Variants in ROBO2 observed in about 807,000 individuals in gnomAD.
ROBO2 encodes the protein roundabout homolog 2.
A neutral mutation model predicts 160.8 loss-of-function variants in ROBO2; 53 were observed. The observed-to-expected ratio is 0.33, with a 90% confidence interval of 0.26 to 0.41. The LOEUF (loss-of-function observed/expected upper bound fraction) is 0.41. Ranked by LOEUF, ROBO2 falls within the 10% of genes least tolerant of loss-of-function variation. The probability of loss-of-function intolerance (pLI) is 1.00; values close to 1 mark genes in which losing one functional copy is unlikely to be tolerated. For synonymous variants in ROBO2, 664 were observed against 611.7 expected (o/e 1.09, Z -1.26); for missense variants, 1,577 against 1,722.4 (o/e 0.92, Z 1.49).
chr3:77,602,613 G>T, intron 20 of ROBO2, 122 bp downstream of exon 21: 1 of 1,183,702 alleles, frequency 8.4e-7, no homozygotes, highest in Non-Finnish European at 1.2e-6. Context: ...ACTAAAAAAA[G>T]ATACCAGCAT....
intron 2 of ROBO2, among the ~76,000 whole-genome samples, chr3:77,101,675 C>G (rs1023502881): frequency 6.6e-6 from 1 of 152,074 alleles, no homozygotes; most frequent in African/African-American, 2.4e-5. Flanking sequence ...GGATCAGTCT[C>G]AGGAGAGGTA....
intron 2 of ROBO2, among the ~76,000 whole-genome samples, chr3:77,325,883 G>A (rs2065329325): frequency 6.6e-6 from 1 of 152,148 alleles, no homozygotes; most frequent in South Asian, 2.1e-4. Context: ...GAAAAGCTGG[G>A]ACGCAAATGC....
At chr3:75,923,917 A>C (rs1006162765) in intron 1 of ROBO2, among the ~76,000 whole-genome samples, 6 of 152,190 alleles carry the variant, frequency 3.9e-5, no homozygotes, top group Admixed American at 2.6e-4. Flanking sequence ...ATATCCCTTT[A>C]TAAAGTAATA....
chr3:77,057,350 T>C (rs932457736), intron 1 of ROBO2, among the ~76,000 whole-genome samples: 2 of 151,992 alleles, frequency 1.3e-5, no homozygotes, highest in Admixed American at 6.6e-5. Flanking sequence ...TTAGGAGATA[T>C]ACCTAATGTA....
At chr3:76,170,938 T>G (rs2073017626) in intron 2 of ROBO2, among the ~76,000 whole-genome samples, 1 of 152,188 alleles carries the variant, frequency 6.6e-6, no homozygotes, top group Non-Finnish European at 1.5e-5. Flanking sequence ...AAGCACCTTC[T>G]GTATGCCAGG....
chr3:76,116,308 C>T (rs1303195514), intron 2 of ROBO2, among the ~76,000 whole-genome samples: 1 of 152,152 alleles, frequency 6.6e-6, no homozygotes, highest in Admixed American at 6.6e-5. Flanking sequence ...TTTCGAGCTT[C>T]AATTAAGTAT....
In ROBO2 at chr3:76,794,645, T is replaced by C. The variant is rs141502081; in HGVS notation, c.110-303369T>C. On this transcript the variant is annotated intron_variant, in intron 2 of 26. Coordinates refer to the ROBO2 transcript ENST00000487694. ...CTTACAGCAATCGGATTCATTAAAA[T>C]TTATTACAGCTTTATTAAATACAGG... Among the ~76,000 whole-genome samples, 217 of 152,158 alleles carry C rather than the reference T, an allele frequency of 1.4e-3. 1 individual carries two copies. Among genetic ancestry groups the C allele is most frequent in the African/African-American group, 5.1e-3 (212 of 41,560 alleles).
chr3:77,037,769 AAT>A (rs2063725879), upstream of ROBO2, among the ~76,000 whole-genome samples: 1 of 152,192 alleles, frequency 6.6e-6, no homozygotes, highest in South Asian at 2.1e-4. Context: ...CTGATAAATA[AAT>A]AGTCATGAGA....
intron 2 of ROBO2, among the ~76,000 whole-genome samples, chr3:76,948,900 ATATATATATTT>A (rs1191456373): frequency 0.024 from 992 of 41,542 alleles, 4 homozygotes; most frequent in Non-Finnish European, 0.034. Flanking sequence ...ATATATATAT[ATATATATATTT>A]TTTTTTTTTT....
At chr3:76,251,817 G>C (rs1393644189) in intron 2 of ROBO2, among the ~76,000 whole-genome samples, 1 of 152,082 alleles carries the variant, frequency 6.6e-6, no homozygotes, top group East Asian at 1.9e-4. Flanking sequence ...ACTCCTTAAA[G>C]ATGCTGTCAG....
At chr3:75,953,224 T>C (rs1948613211) in intron 2 of ROBO2, among the ~76,000 whole-genome samples, 2 of 152,080 alleles carry the variant, frequency 1.3e-5, no homozygotes, top group Non-Finnish European at 2.9e-5. Flanking sequence ...CTATTCTGCA[T>C]TCTCAATAAA....
At position 76,874,046 on chromosome 3, in the gene ROBO2, C is replaced by T. The variant is rs545769168; in HGVS notation, c.110-223968C>T. On this transcript the variant is annotated intron_variant, in intron 2 of 26. Coordinates refer to the ROBO2 transcript ENST00000487694. ...TAAAGAATGTAAATTTCCTCCAGTT[C>T]CCCAAGTTAAGAGGGAGCAGGTTAG... is the stretch of plus-strand genomic sequence containing the variant. 2.0e-5 allele frequency among the ~76,000 whole-genome samples: 3 copies of T among 152,252 alleles called. No homozygotes were observed. In the South Asian group the frequency reaches 6.2e-4, roughly 32 times the overall value.
At chr3:76,866,826 T>A (rs1193047374) in intron 2 of ROBO2, among the ~76,000 whole-genome samples, 1 of 152,148 alleles carries the variant, frequency 6.6e-6, no homozygotes, top group African/African-American at 2.4e-5. Context: ...ATAATTTGCA[T>A]AATCCACACT....
At chr3:77,424,960 C>A (rs1461915162) in intron 2 of ROBO2, among the ~76,000 whole-genome samples, 1 of 152,090 alleles carries the variant, frequency 6.6e-6, no homozygotes, top group Non-Finnish European at 1.5e-5. Context: ...ACAAGTATCC[C>A]TTCCCGATTA....
chr3:75,926,410 G>T (rs903241259), intron 1 of ROBO2, among the ~76,000 whole-genome samples: 7 of 152,028 alleles, frequency 4.6e-5, no homozygotes, highest in African/African-American at 1.7e-4. Flanking sequence ...CCCCCACAAA[G>T]TTTTATGGTT....
intron 2 of ROBO2, among the ~76,000 whole-genome samples, chr3:76,893,319 C>T (rs528997998): frequency 6.6e-6 from 1 of 150,820 alleles, no homozygotes; most frequent in African/African-American, 2.4e-5. Context: ...TGAACACACA[C>T]ACACACACAC....
intron 2 of ROBO2, among the ~76,000 whole-genome samples, chr3:76,910,783 T>C (rs1474111472): frequency 8.7e-6 from 1 of 115,278 alleles, no homozygotes; most frequent in Non-Finnish European, 1.9e-5. Context: ...ACTATGAAAA[T>C]AATGTTTACA....
At chr3:76,112,302 A>G (rs1213469744) in intron 2 of ROBO2, among the ~76,000 whole-genome samples, 1 of 152,126 alleles carries the variant, frequency 6.6e-6, no homozygotes, top group Non-Finnish European at 1.5e-5. Context: ...TTGGCAAAAC[A>G]TAGTACTATT....
intron 2 of ROBO2, among the ~76,000 whole-genome samples, chr3:77,124,120 CA>C (rs2075087768): frequency 1.3e-5 from 2 of 152,166 alleles, no homozygotes; most frequent in Non-Finnish European, 2.9e-5. Flanking sequence ...GGGTTAAAGG[CA>C]GATATTTTCT....
Sources: allele counts gnomAD v4.1 joint callset (sites outside exome capture counted in the v4.1 genomes callset), GRCh38; gene constraint gnomAD v4.1.1; transcripts MANE v1.5; gene names NCBI Gene and HGNC (gene_info 2026-07-23, HGNC 2026-07-21).